Variants in ADCY5 observed in about 807,000 individuals in gnomAD.
ADCY5 encodes adenylate cyclase type 5.
A neutral mutation model predicts 119.7 loss-of-function variants in ADCY5; 30 were observed. The observed-to-expected ratio is 0.25, with a 90% CI of 0.19 to 0.34. The LOEUF is 0.34. ADCY5 is among the 10% of genes least tolerant of loss of function. The probability of loss-of-function intolerance (pLI) is 1.00; values close to 1 mark genes in which losing one functional copy is unlikely to be tolerated. For synonymous variants in ADCY5, 753 were observed against 762.2 expected (o/e 0.99, Z 0.20); for missense variants, 1,324 against 1,775.2 (o/e 0.75, Z 4.57).
chr3:123,448,106 CCCGCCGAGGCAGCCGCCG>C lies in ADCY5; in HGVS notation c.422_439del (p.Ala141_Ala146del). ...CGAGCGAGGGCGCACCTCCGTCCCGCCCGCCGAGGCAGCCGCCGCCGCCGAGCCGCCGCCGCCGCCCGC... is the reference window on the plus strand; with the variant it reads ...CGAGCGAGGGCGCACCTCCGTCCCGCCCGCCGAGCCGCCGCCGCCGCCCGC... On this transcript the variant is annotated inframe_deletion, in exon 1 of 21. Transcript: ENST00000462833. 2 of 1,139,828 alleles carry C rather than the reference CCCGCCGAGGCAGCCGCCG, an allele frequency of 1.8e-6. No homozygotes were observed. The highest frequency in any genetic ancestry group is 2.1e-6 in the Non-Finnish European group (2 of 931,896). 70.6% of individuals were successfully genotyped at this position (1,139,828 alleles called of 1,614,324 possible).
At chr3:123,383,352 G>A (rs941831867) in intron 1 of ADCY5, among the ~76,000 whole-genome samples, 6 of 152,190 alleles carry the variant, frequency 3.9e-5, no homozygotes, top group Non-Finnish European at 7.4e-5. Flanking sequence ...TCGCCTCCTC[G>A]GGAATGTGAA....
At chr3:123,378,683 T>A (rs946527491) in intron 1 of ADCY5, among the ~76,000 whole-genome samples, 1 of 152,190 alleles carries the variant, frequency 6.6e-6, no homozygotes, top group Non-Finnish European at 1.5e-5. Flanking sequence ...CAAATCCTGG[T>A]CATTGGCCAG....
chr3:123,438,010 G>A (rs1945651498), intron 1 of ADCY5, among the ~76,000 whole-genome samples: 2 of 152,304 alleles, frequency 1.3e-5, no homozygotes, highest in South Asian at 2.1e-4. Flanking sequence ...GGCTGATGCA[G>A]TCTAAGCAAT....
rs1448990305 is a variant in ADCY5 at position 123,283,766 on chromosome 3, A to AAT, written c.*840_*841dup. On this transcript the variant is annotated 3_prime_UTR_variant, in exon 21 of 21. Transcript: ENST00000462833. ...GTTTTCTAATATAGAGAATTTACAA[A>AAT]ATATAGAATTTGGCATATCTATCTG... 1 of 151,664 alleles carries AAT rather than the reference A, an allele frequency of 6.6e-6. No individual in the cohort carries two copies. The highest frequency in any genetic ancestry group is 1.5e-5 in the Non-Finnish European group (1 of 68,034). 9.4% of individuals were successfully genotyped at this position (151,664 alleles called of 1,614,324 possible).
At chr3:123,366,909 C>T (rs1396168447) in intron 1 of ADCY5, among the ~76,000 whole-genome samples, 2 of 152,220 alleles carry the variant, frequency 1.3e-5, no homozygotes, top group African/African-American at 2.4e-5. Context: ...TGGCCACAGC[C>T]TGGGCCTCTG....
At chr3:123,317,505 C>A (rs1168379280) in intron 11 of ADCY5, among the ~76,000 whole-genome samples, 1 of 151,902 alleles carries the variant, frequency 6.6e-6, no homozygotes. Context: ...GAGGCCAAGG[C>A]GGGTGGATTG....
At chr3:123,297,089 G>A (rs1939562545) in intron 16 of ADCY5, 2 of 1,516,898 alleles carry the variant, frequency 1.3e-6, no homozygotes, top group Non-Finnish European at 1.8e-6. Context: ...GCTTTAACAT[G>A]AGGCCTATGG....
At position 123,327,996 on chromosome 3, in the gene ADCY5, C is replaced by A. The variant is rs545637786; in HGVS notation, c.1806-237G>T. Among the ~76,000 whole-genome samples the A allele has an allele frequency of 3.4e-4, 52 of 152,336 alleles. 1 individual carries two copies. Among genetic ancestry groups the A allele is most frequent in the Admixed American group, 5.9e-4 (9 of 15,302 alleles). On this transcript the variant is annotated intron_variant, in intron 6 of 20. Transcript: ENST00000462833. Reference sequence around the variant, plus strand: ...CTGAACATCCTGGCACAGACCACTACATTAGCTTGCCCAAGACAACATGGC... The same window carrying A: ...CTGAACATCCTGGCACAGACCACTAAATTAGCTTGCCCAAGACAACATGGC...
chr3:123,347,422 T>C (rs2108479324), intron 3 of ADCY5, among the ~76,000 whole-genome samples: 1 of 152,178 alleles, frequency 6.6e-6, no homozygotes, highest in East Asian at 1.9e-4. Flanking sequence ...GTGGTGAAGA[T>C]GAGATGATGG....
At chr3:123,413,555 T>C (rs1038022274) in intron 1 of ADCY5, among the ~76,000 whole-genome samples, 3 of 152,292 alleles carry the variant, frequency 2.0e-5, no homozygotes, top group Middle Eastern at 3.4e-3. Flanking sequence ...CAGAGCTGCA[T>C]AGGATCCCAG....
chr3:123,436,522 A>G (rs1945621302), intron 1 of ADCY5, among the ~76,000 whole-genome samples: 1 of 152,118 alleles, frequency 6.6e-6, no homozygotes, highest in Non-Finnish European at 1.5e-5. Context: ...CCTGGCCAAC[A>G]TGCCAAAATC....
At chr3:123,348,822 C>T (rs928485513) in intron 2 of ADCY5, among the ~76,000 whole-genome samples, 3 of 152,174 alleles carry the variant, frequency 2.0e-5, no homozygotes, top group East Asian at 1.9e-4. Flanking sequence ...GCACATCATT[C>T]GCTCATCCCC....
chr3:123,306,845 T>C (rs1019435629), intron 12 of ADCY5, among the ~76,000 whole-genome samples: 1 of 152,248 alleles, frequency 6.6e-6, no homozygotes, highest in African/African-American at 2.4e-5. Context: ...AACAATTTAA[T>C]TGTCCATCAA....
At chr3:123,311,538 T>C (rs755497019) in intron 12 of ADCY5, among the ~76,000 whole-genome samples, 1 of 152,164 alleles carries the variant, frequency 6.6e-6, no homozygotes, top group African/African-American at 2.4e-5. Flanking sequence ...AAGAAGTTCA[T>C]ATTACAAATG....
chr3:123,427,135 C>T (rs1199608580), intron 1 of ADCY5, among the ~76,000 whole-genome samples: 3 of 152,086 alleles, frequency 2.0e-5, no homozygotes, highest in East Asian at 3.9e-4. Flanking sequence ...TCCCTGTGTC[C>T]CTAGCCCTCC....
At chr3:123,443,515 T>A (rs1019884129) in intron 1 of ADCY5, among the ~76,000 whole-genome samples, 1 of 152,116 alleles carries the variant, frequency 6.6e-6, no homozygotes, top group African/African-American at 2.4e-5. Flanking sequence ...GCCTCGATTC[T>A]TGGTCCATAT....
Position 123,348,036 on chromosome 3 carries a change from A to AGCGTGTGT in ADCY5, c.1285-134_1285-133insACACACGC, listed in dbSNP as rs1553732238. 3.4e-5 allele frequency: 16 copies of AGCGTGTGT among 468,740 alleles called. No homozygotes were observed. In the African/African-American group the frequency reaches 4.0e-4, roughly 12 times the overall value. 29.0% of individuals were successfully genotyped at this position (468,740 alleles called of 1,614,324 possible). Reference sequence around the variant, plus strand: ...GCTCTCCCGGGACTCCTGGGTTAACAGTGTGTGTGTGTGTGTGTGTGTGTG... The same window carrying AGCGTGTGT: ...GCTCTCCCGGGACTCCTGGGTTAACAGCGTGTGTGTGTGTGTGTGTGTGTGTGTGTGTG... On this transcript the variant is annotated intron_variant, in intron 2 of 20. Coordinates refer to ENST00000462833, the MANE Select transcript of ADCY5 (RefSeq NM_183357.3).
Position 123,332,680 on chromosome 3 carries a change from G to C in ADCY5, c.1407-5C>G, listed in dbSNP as rs1941817649. ...TCGATGTCAGCAAACAGGATGCTGG[G>C]GGACAGGCAGAGGAGGAAGACCCTG... On this transcript the variant is annotated splice_region_variant and splice_polypyrimidine_tract_variant and intron_variant, in intron 3 of 20. Transcript: ENST00000462833. 6.3e-7 allele frequency: 1 copy of C among 1,593,480 alleles called. No homozygotes were observed. Among genetic ancestry groups the C allele is most frequent in the Non-Finnish European group, 8.6e-7 (1 of 1,162,008 alleles).
rs773608077 is a variant in ADCY5, at chr3:123,289,821, A to C, written c.3461T>G (p.Phe1154Cys). The change falls in exon 19 of 21, where the codon TTT (phenylalanine) becomes TGT (cysteine). Residue 1154 changes from phenylalanine (F) to cysteine (C), a missense_variant. Coordinates refer to ENST00000462833, the MANE Select transcript of ADCY5 (RefSeq NM_183357.3). ...GKTHIKALADFAMKLMDQMKY... is the reference protein window; with the variant it reads ...GKTHIKALADCAMKLMDQMKY... ...CATCTGGTCCATCAGCTTCATGGCA[A>C]AGTCGGCCAGTGCCTTGATGTGGGT... 6.2e-7 allele frequency: 1 copy of C among 1,614,092 alleles called. No homozygotes were observed. The highest frequency in any genetic ancestry group is 1.3e-5 in the African/African-American group (1 of 74,948).
Sources: gnomAD v4.1 joint callset for allele counts (sites outside exome capture counted in the v4.1 genomes callset) on GRCh38, gnomAD v4.1.1 for gene constraint, MANE v1.5 for transcripts, NCBI Gene and HGNC (gene_info 2026-07-23, HGNC 2026-07-21) for gene names.